The following NETO1 variants were observed in gnomAD, a reference collection of about 807,000 sequenced individuals.
The protein encoded by NETO1 is neuropilin and tolloid-like protein 1.
Under a neutral mutation model 61.3 loss-of-function variants are expected in NETO1, and 26 were observed. The ratio of observed to expected loss-of-function variants is 0.42; its 90% confidence interval spans 0.31 to 0.59. NETO1 has a LOEUF of 0.59. NETO1 is among the 20% of genes least tolerant of loss of function. NETO1 has a pLI of 0.12. For synonymous variants in NETO1, 225 were observed against 225.8 expected (o/e 1.00, Z 0.03); for missense variants, 531 against 662.8 (o/e 0.80, Z 2.18).
chr18:72,744,848 A>C lies in NETO1; in HGVS notation c.*3331T>G, dbSNP rs1458427387. Reference sequence around the variant, plus strand: ...GGGTCATATCTTGTAATTTATTATGATATTCTGAGGTTGAGGAAAACCCAT... The same window carrying C: ...GGGTCATATCTTGTAATTTATTATGCTATTCTGAGGTTGAGGAAAACCCAT... On this transcript the variant is annotated 3_prime_UTR_variant, in exon 11 of 11. Coordinates refer to ENST00000327305, the MANE Select transcript of NETO1 (RefSeq NM_138966.5). The C allele has an allele frequency of 6.6e-6, 1 of 152,272 alleles. No individual in the cohort carries two copies. Among genetic ancestry groups the C allele is most frequent in the South Asian group, 2.1e-4 (1 of 4,828 alleles). The allele number at this position is 152,272 out of a possible 1,614,324, so 9.4% of individuals were successfully genotyped here.
rs188337396 is a variant in NETO1, at chr18:72,757,092, T to C, written c.869-945A>G. ...ATCAGATAAAATGCAATTCTAGTGT[T>C]TCTTTTTTTCAATAAAGGCTCTACA... On this transcript the variant is annotated intron_variant, in intron 7 of 10. Transcript: ENST00000327305. 1.9e-3 allele frequency among the ~76,000 whole-genome samples: 295 copies of C among 152,244 alleles called. 1 individual carries two copies. Among genetic ancestry groups the C allele is most frequent in the South Asian group, 3.3e-3 (16 of 4,822 alleles).
intron 4 of NETO1, among the ~76,000 whole-genome samples, chr18:72,824,011 C>T (rs1417229985): frequency 6.6e-6 from 1 of 152,230 alleles, no homozygotes; most frequent in African/African-American, 2.4e-5. Flanking sequence ...CGTTTTCAAA[C>T]ATCACTCTGG....
intron 7 of NETO1, among the ~76,000 whole-genome samples, chr18:72,771,553 A>C (rs1047363461): frequency 6.6e-6 from 1 of 152,082 alleles, no homozygotes; most frequent in Non-Finnish European, 1.5e-5. Flanking sequence ...GGAATAAAAG[A>C]ATGAAAGGAG....
At chr18:72,820,857 A>T (rs2073170413) in intron 4 of NETO1, among the ~76,000 whole-genome samples, 1 of 152,154 alleles carries the variant, frequency 6.6e-6, no homozygotes, top group Non-Finnish European at 1.5e-5. Context: ...TCAGAGTGGA[A>T]CTACACTTTT....
intron 6 of NETO1, among the ~76,000 whole-genome samples, chr18:72,790,511 G>T (rs773454403): frequency 6.6e-6 from 1 of 151,796 alleles, no homozygotes; most frequent in Non-Finnish European, 1.5e-5. Context: ...CATTAAATTT[G>T]GTTTTCAGAT....
rs1005918302 is a variant in NETO1, at chr18:72,750,566, A to G, written c.1037T>C (p.Ile346Thr). 34 of 1,612,552 alleles carry G rather than the reference A, an allele frequency of 2.1e-5. No homozygotes were observed. Among genetic ancestry groups the G allele is most frequent in the Non-Finnish European group, 2.6e-5 (31 of 1,179,962 alleles). The change falls in exon 9 of 11, where the codon ATT (isoleucine) becomes ACT (threonine). Residue 346 changes from isoleucine (I) to threonine (T), a missense_variant. Transcript: ENST00000327305. Reference protein sequence around the residue: ...DQLTNTSGTVIGVTSCIVIIL... With the variant: ...DQLTNTSGTVTGVTSCIVIIL... The stretch of plus-strand genomic sequence containing the variant: ...GATCACGATGCAGGAAGTCACGCCA[A>G]TGACAGTCCCACTGGTGTTGGTCAG...
intron 3 of NETO1, among the ~76,000 whole-genome samples, chr18:72,862,960 C>T (rs2074624517): frequency 6.6e-6 from 1 of 152,100 alleles, no homozygotes; most frequent in East Asian, 1.9e-4. Context: ...TCATGTACTC[C>T]ATCACTGATG....
At chr18:72,821,931 T>C (rs2073213025) in intron 4 of NETO1, among the ~76,000 whole-genome samples, 2 of 152,196 alleles carry the variant, frequency 1.3e-5, no homozygotes, top group Admixed American at 1.3e-4. Context: ...GGTTACAGAC[T>C]TGGCTTTTTG....
intron 7 of NETO1, among the ~76,000 whole-genome samples, chr18:72,759,073 A>G (rs1263792809): frequency 6.6e-6 from 1 of 152,190 alleles, no homozygotes; most frequent in Non-Finnish European, 1.5e-5. Flanking sequence ...CAATAGACCA[A>G]ATCAAGCCTA....
intron 6 of NETO1, among the ~76,000 whole-genome samples, chr18:72,786,893 G>A (rs545536668): frequency 2.7e-5 from 4 of 150,896 alleles, no homozygotes; most frequent in South Asian, 2.1e-4. Context: ...CAGCCTGGGC[G>A]ACAGAGCGAG....
chr18:72,750,872 TACAC>T (rs142668353), intron 8 of NETO1, among the ~76,000 whole-genome samples: 27,138 of 118,492 alleles, frequency 0.23, 3,224 homozygotes, highest in East Asian at 0.36. Flanking sequence ...CAGCTTAAAA[TACAC>T]ACACACACAC....
At chr18:72,866,586 C>G (rs8085632) in intron 1 of NETO1, among the ~76,000 whole-genome samples, 140,504 of 148,822 alleles carry the variant, frequency 0.94, 66,484 homozygotes, top group East Asian at 0.99. Flanking sequence ...CAGCAGCAAA[C>G]CCCTCTCAAC....
At position 72,775,448 on chromosome 18, in the gene NETO1, A is replaced by G. The variant is rs2071514683; in HGVS notation, c.868+8230T>C. Among the ~76,000 whole-genome samples, 4 of 152,114 alleles carry G rather than the reference A, an allele frequency of 2.6e-5. No individual in the cohort carries two copies. In the South Asian group the frequency reaches 8.3e-4, roughly 32 times the overall value. On this transcript the variant is annotated intron_variant, in intron 7 of 10. Transcript: ENST00000327305. ...AAAAATGCATTCATATAGTCCCCAAAATAGCATGTTTCAGAATAGAAACCT... is the reference window on the plus strand; with the variant it reads ...AAAAATGCATTCATATAGTCCCCAAGATAGCATGTTTCAGAATAGAAACCT...
At position 72,828,575 on chromosome 18, in the gene NETO1, A is replaced by G. The variant is rs548076754; in HGVS notation, c.469+30251T>C. On this transcript the variant is annotated intron_variant, in intron 4 of 10. Coordinates refer to ENST00000327305, the MANE Select transcript of NETO1 (RefSeq NM_138966.5). The stretch of plus-strand genomic sequence containing the variant: ...TTGAAAGTTGGCAATATTTAAAGAA[A>G]TAGTAGCTACATTTTTTGACAAGTG... Among the ~76,000 whole-genome samples, 8 of 152,376 alleles carry G rather than the reference A, an allele frequency of 5.3e-5. No homozygotes were observed. In the South Asian group the frequency reaches 1.7e-3, roughly 32 times the overall value.
chr18:72,842,934 A>G (rs900849861), intron 4 of NETO1, among the ~76,000 whole-genome samples: 3 of 152,200 alleles, frequency 2.0e-5, no homozygotes, highest in Non-Finnish European at 4.4e-5. Flanking sequence ...ACTTTTATTA[A>G]GATGAATTTC....
intron 7 of NETO1, among the ~76,000 whole-genome samples, chr18:72,779,646 A>G (rs2071671648): frequency 6.6e-6 from 1 of 152,198 alleles, no homozygotes; most frequent in Non-Finnish European, 1.5e-5. Flanking sequence ...GAATAAAGAC[A>G]GTCTAGACCC....
rs2074409808 is a variant in NETO1, at chr18:72,856,353, AT to A, written c.469+2472del. On this transcript the variant is annotated intron_variant, in intron 4 of 10. Coordinates refer to ENST00000327305, the MANE Select transcript of NETO1 (RefSeq NM_138966.5). ...AAAAAGTGACGTAGTATAGGTAGGA[AT>A]TTTGTGCACCCACCTAAAAATTTCA... Among the ~76,000 whole-genome samples the A allele has an allele frequency of 1.3e-5, 2 of 152,180 alleles. 1 individual carries two copies. Among genetic ancestry groups the A allele is most frequent in the South Asian group, 4.1e-4 (2 of 4,832 alleles).
At chr18:72,861,851 C>T (rs187399566) in intron 3 of NETO1, among the ~76,000 whole-genome samples, 2 of 152,340 alleles carry the variant, frequency 1.3e-5, no homozygotes, top group East Asian at 3.9e-4. Context: ...CCCATCTCCA[C>T]TATGCCAATG....
chr18:72,858,189 G>A (rs377675351), intron 4 of NETO1, among the ~76,000 whole-genome samples: 1 of 152,076 alleles, frequency 6.6e-6, no homozygotes, highest in Admixed American at 6.5e-5. Context: ...AGTGGGCCAG[G>A]CAACAACACA....
Sources: gnomAD v4.1 joint callset for allele counts (sites outside exome capture counted in the v4.1 genomes callset) on GRCh38, gnomAD v4.1.1 for gene constraint, MANE v1.5 for transcripts, NCBI Gene and HGNC (gene_info 2026-07-23, HGNC 2026-07-21) for gene names.